Variants in CALR3 observed in about 807,000 individuals in gnomAD.
The protein encoded by CALR3 is calreticulin-3.
A neutral mutation model predicts 48.7 loss-of-function variants in CALR3; 39 were observed. That is an observed-to-expected ratio of 0.80 (90% CI 0.62 to 1.05). CALR3 has a LOEUF of 1.05. Ranked by LOEUF, CALR3 falls within the 50% of genes least tolerant of loss-of-function variation. The pLI is 0.00. For synonymous variants in CALR3, 185 were observed against 172.7 expected (o/e 1.07, Z -0.56); for missense variants, 449 against 474.7 (o/e 0.95, Z 0.50).
At chr19:16,483,819 G>T (rs2093384569) in intron 5 of CALR3, 111 bp downstream of exon 5, 3 of 1,107,898 alleles carry the variant, frequency 2.7e-6, no homozygotes, top group African/African-American at 3.1e-5. Flanking sequence ...AGGGCATTTG[G>T]TTCTATAATA....
Position 16,482,563 on chromosome 19 carries a change from CT to C in CALR3, c.804del (p.Gly269ValfsTer12), listed in dbSNP as rs1351985400. 46 of 1,614,160 alleles carry C rather than the reference CT, an allele frequency of 2.8e-5. No homozygotes were observed. The highest frequency in any genetic ancestry group is 3.1e-5 in the Non-Finnish European group (37 of 1,180,026). On this transcript the variant is annotated frameshift_variant, in exon 7 of 9. Coordinates refer to ENST00000269881, the MANE Select transcript of CALR3 (RefSeq NM_145046.5). LOFTEE classifies it high-confidence loss of function. ...KPPYQDGLKP[E>X]GIHKDVWLHR... ...TGGAGCCAGACGTCTTTATGAATACCTTCTGGTTTCAGGCCATCCTGTATCA... is the reference window on the plus strand; with the variant it reads ...TGGAGCCAGACGTCTTTATGAATACCTCTGGTTTCAGGCCATCCTGTATCA...
chr19:16,479,266 T>C lies in CALR3; in HGVS notation c.1020A>G (p.Glu340=). 6.2e-7 allele frequency: 1 copy of C among 1,614,014 alleles called. No individual in the cohort carries two copies. Residue 340 remains glutamate (E), a synonymous_variant, in exon 9 of 9, where the codon GAA becomes GAG. Coordinates refer to ENST00000269881, the MANE Select transcript of CALR3 (RefSeq NM_145046.5). ...KATWGETKGP[E]REMDAIQAKE... ...TGGCCTGTATGGCATCCATCTCCCTTTCTGGACCCTGGAGAAAGAAAGAAA... is the reference window on the plus strand; with the variant it reads ...TGGCCTGTATGGCATCCATCTCCCTCTCTGGACCCTGGAGAAAGAAAGAAA...
At chr19:16,490,230 C>T in intron 3 of CALR3, 137 bp downstream of exon 3, 1 of 730,794 alleles carries the variant, frequency 1.4e-6, no homozygotes, top group Non-Finnish European at 2.4e-6. Flanking sequence ...ACACTCAATA[C>T]TACTACAAAC....
chr19:16,489,474 C>T (rs2093394421), intron 3 of CALR3, among the ~76,000 whole-genome samples: 1 of 152,110 alleles, frequency 6.6e-6, no homozygotes. Context: ...CAAAAATTAG[C>T]TGGGCATGGT....
intron 3 of CALR3, 93 bp from the exon 4 acceptor site, chr19:16,485,350 G>A (rs1289279999): frequency 3.6e-5 from 29 of 816,900 alleles, no homozygotes; most frequent in Admixed American, 1.4e-4. Context: ...TTTTTGAGAC[G>A]GAGTCTTGCT....
intron 8 of CALR3, among the ~76,000 whole-genome samples, chr19:16,479,637 T>C (rs184562343): frequency 1.0e-4 from 15 of 150,556 alleles, no homozygotes; most frequent in Admixed American, 9.3e-4. Flanking sequence ...TGTGTGGCTG[T>C]AGTCCCAGCT....
At chr19:16,489,421 C>T (rs1349667321) in intron 3 of CALR3, among the ~76,000 whole-genome samples, 2 of 152,166 alleles carry the variant, frequency 1.3e-5, no homozygotes, top group East Asian at 1.9e-4. Context: ...GAGTTCAAGA[C>T]CAGCCTGACC....
At chr19:16,490,317 AG>A in intron 3 of CALR3, 49 bp downstream of exon 3, 2 of 1,518,442 alleles carry the variant, frequency 1.3e-6, no homozygotes, top group Non-Finnish European at 9.2e-7. Context: ...GTGAAGTGGG[AG>A]GGTTTTCAAA....
chr19:16,480,954 A>C (rs1212659692), intron 7 of CALR3, among the ~76,000 whole-genome samples: 2 of 152,018 alleles, frequency 1.3e-5, no homozygotes, highest in Non-Finnish European at 2.9e-5. Context: ...TCAGGAGTTC[A>C]AGACTAGCCT....
rs896295072 is a variant in CALR3 at position 16,490,697 on chromosome 19, G to T, written c.194-127C>A. ...CTAACCATTTACAGTGATCTACAGTGCCAACAGAGCATTATACAATAATGC... is the reference window on the plus strand; with the variant it reads ...CTAACCATTTACAGTGATCTACAGTTCCAACAGAGCATTATACAATAATGC... On this transcript the variant is annotated intron_variant, in intron 2 of 8. Coordinates refer to ENST00000269881, the MANE Select transcript of CALR3 (RefSeq NM_145046.5). The T allele has an allele frequency of 6.1e-6, 5 of 825,438 alleles. No individual in the cohort carries two copies. The African/African-American group carries it at 8.4e-5, about 14-fold the overall frequency. The allele number at this position is 825,438 out of a possible 1,614,324, so 51.1% of individuals were successfully genotyped here.
rs1188580969 is a variant in CALR3 at position 16,496,106 on chromosome 19, G to A, written c.24C>T (p.Leu8=). Residue 8 remains leucine (L), a synonymous_variant, in exon 1 of 9, where the codon CTC becomes CTT. Coordinates refer to ENST00000269881, the MANE Select transcript of CALR3 (RefSeq NM_145046.5). Reference sequence around the variant, plus strand: ...CCACTCGCAGCATGCATATGGCCCAGAGCTGGACCAAAGCCCGGGCCATGG... The same window carrying A: ...CCACTCGCAGCATGCATATGGCCCAAAGCTGGACCAAAGCCCGGGCCATGG... The part of the protein sequence containing the change: MARALVQ[L]WAICMLRVAL... 6.2e-7 allele frequency: 1 copy of A among 1,605,852 alleles called. No individual in the cohort carries two copies. Among genetic ancestry groups the A allele is most frequent in the Non-Finnish European group, 8.5e-7 (1 of 1,176,460 alleles).
chr19:16,484,318 C>A (rs560811635), intron 4 of CALR3, among the ~76,000 whole-genome samples: 5 of 151,608 alleles, frequency 3.3e-5, no homozygotes, highest in Admixed American at 2.6e-4. Context: ...GCTGGGATTA[C>A]AGGCACCTGC....
intron 1 of CALR3, 35 bp downstream of exon 1, chr19:16,496,004 T>C: frequency 6.4e-7 from 1 of 1,572,182 alleles, no homozygotes; most frequent in South Asian, 1.1e-5. Context: ...ATGGGGGAGC[T>C]TACACCTCCG....
chr19:16,485,995 A>G (rs1224172439), intron 3 of CALR3, among the ~76,000 whole-genome samples: 2 of 152,098 alleles, frequency 1.3e-5, no homozygotes, highest in Admixed American at 6.6e-5. Flanking sequence ...TTAAAGGACA[A>G]TGTCCTGGCT....
intron 4 of CALR3, among the ~76,000 whole-genome samples, chr19:16,484,641 C>T (rs2093386381): frequency 6.6e-6 from 1 of 152,050 alleles, no homozygotes; most frequent in African/African-American, 2.4e-5. Flanking sequence ...CCTCAGCCTC[C>T]CCAGTAGCTG....
intron 8 of CALR3, among the ~76,000 whole-genome samples, chr19:16,480,067 G>C (rs2093378124): frequency 6.6e-6 from 1 of 151,816 alleles, no homozygotes; most frequent in Admixed American, 6.6e-5. Flanking sequence ...GTTGGGTGTG[G>C]TGGCAGGTGC....
At chr19:16,491,115 C>A (rs7259642) in intron 2 of CALR3, among the ~76,000 whole-genome samples, 96,679 of 149,818 alleles carry the variant, frequency 0.65, 31,423 homozygotes, top group South Asian at 0.75. Context: ...TACCACTGTT[C>A]TTAATTAGTT....
At chr19:16,484,845 G>A (rs2093386757) in intron 4 of CALR3, among the ~76,000 whole-genome samples, 1 of 152,128 alleles carries the variant, frequency 6.6e-6, no homozygotes, top group Non-Finnish European at 1.5e-5. Flanking sequence ...TTTTCATCCT[G>A]AATATTTCAT....
chr19:16,485,864 G>A (rs1282837413), intron 3 of CALR3, among the ~76,000 whole-genome samples: 1 of 151,884 alleles, frequency 6.6e-6, no homozygotes, highest in African/African-American at 2.4e-5. Context: ...TGCCATGTTG[G>A]CTAGGCTGGT....
Sources: allele counts gnomAD v4.1 joint callset (sites outside exome capture counted in the v4.1 genomes callset), GRCh38; gene constraint gnomAD v4.1.1; transcripts MANE v1.5; gene names NCBI Gene and HGNC (gene_info 2026-07-23, HGNC 2026-07-21).